Variants in SHISA6 observed in about 807,000 individuals in gnomAD.
SHISA6 encodes shisa family member 6.
In SHISA6, 22 loss-of-function variants were observed where a neutral mutation model predicts 47.9. That is an observed-to-expected ratio of 0.46 (90% CI 0.33 to 0.66). SHISA6 has a LOEUF of 0.66. SHISA6 is among the 30% of genes least tolerant of loss of function. The pLI is 0.02. For synonymous variants in SHISA6, 388 were observed against 337.8 expected, an observed-to-expected ratio of 1.15 and a Z score of -1.63; for missense variants, 680 against 764.6, an observed-to-expected ratio of 0.89 and a Z score of 1.30.
chr17:11,444,268 G>A (rs1915173324), intron 3 of SHISA6, among the ~76,000 whole-genome samples: 1 of 152,158 alleles, frequency 6.6e-6, no homozygotes, highest in Admixed American at 6.5e-5. Flanking sequence ...GCAATGAGCT[G>A]AGATCGTGTC....
chr17:11,255,020 C>G (rs1252527186), intron 1 of SHISA6, among the ~76,000 whole-genome samples: 1 of 152,226 alleles, frequency 6.6e-6, no homozygotes, highest in Non-Finnish European at 1.5e-5. Context: ...CTTTGGTCTG[C>G]AGCCCTACAC....
At chr17:11,481,247 C>G (rs1307544548) in intron 3 of SHISA6, among the ~76,000 whole-genome samples, 3 of 151,422 alleles carry the variant, frequency 2.0e-5, no homozygotes, top group African/African-American at 7.3e-5. Flanking sequence ...CCACTGCACC[C>G]CAGCCTGGAC....
At chr17:11,255,132 G>T (rs1036643276) in intron 1 of SHISA6, among the ~76,000 whole-genome samples, 1 of 152,208 alleles carries the variant, frequency 6.6e-6, no homozygotes, top group African/African-American at 2.4e-5. Context: ...AGTGCCCAGA[G>T]TAGTGCCTGG....
At chr17:11,336,095 G>C (rs11654231) in intron 2 of SHISA6, among the ~76,000 whole-genome samples, 16,389 of 151,854 alleles carry the variant, frequency 0.11, 1,037 homozygotes, top group Middle Eastern at 0.15. Context: ...TGTAGTCCCA[G>C]CTATTCGGGA....
chr17:11,377,621 G>A lies in SHISA6; in HGVS notation c.800-1793G>A, dbSNP rs371479404. 6.6e-5 allele frequency among the ~76,000 whole-genome samples: 10 copies of A among 152,320 alleles called. No individual in the cohort carries two copies. The East Asian group carries it at 1.4e-3, about 21-fold the overall frequency. ...CAGGTTTGAGATCTGGGGTAAGAGGGAGGGAATGGAGCTAGACTCCACTCT... is the reference window on the plus strand; with the variant it reads ...CAGGTTTGAGATCTGGGGTAAGAGGAAGGGAATGGAGCTAGACTCCACTCT... On this transcript the variant is annotated intron_variant, in intron 2 of 5. Coordinates refer to ENST00000441885, the MANE Select transcript of SHISA6 (RefSeq NM_207386.4).
At chr17:11,519,059 A>G (rs1176176998) in intron 3 of SHISA6, among the ~76,000 whole-genome samples, 3 of 152,282 alleles carry the variant, frequency 2.0e-5, no homozygotes, top group Admixed American at 1.3e-4. Context: ...GTTATTGGAA[A>G]GCTTGTCCTC....
At chr17:11,515,588 C>T (rs1001344889) in intron 3 of SHISA6, among the ~76,000 whole-genome samples, 6 of 152,104 alleles carry the variant, frequency 3.9e-5, no homozygotes, top group African/African-American at 1.4e-4. Flanking sequence ...TGACTGGCTC[C>T]TGCGTGATCC....
intron 3 of SHISA6, among the ~76,000 whole-genome samples, 184 bp from the exon 4 acceptor site, chr17:11,551,711 GA>G (rs1424836096): frequency 6.6e-6 from 1 of 152,170 alleles, no homozygotes; most frequent in East Asian, 1.9e-4. Flanking sequence ...CCCTGTTGCA[GA>G]AGGAGAGAGA....
chr17:11,256,967 G>A lies in SHISA6; in HGVS notation c.639-6399G>A, dbSNP rs184500187. The stretch of plus-strand genomic sequence containing the variant: ...GCCTGAAAAACAAAACAGGCAGGCC[G>A]TGCCTTCCCTCACTGAGTCCTGCGA... On this transcript the variant is annotated intron_variant, in intron 1 of 5. Coordinates refer to ENST00000441885, the MANE Select transcript of SHISA6 (RefSeq NM_207386.4). 1.5e-3 allele frequency among the ~76,000 whole-genome samples: 231 copies of A among 152,326 alleles called. 3 individuals carry two copies. Among genetic ancestry groups the A allele is most frequent in the Admixed American group, 0.013 (195 of 15,306 alleles).
At chr17:11,262,500 A>T (rs1293906980) in intron 1 of SHISA6, among the ~76,000 whole-genome samples, 1 of 152,222 alleles carries the variant, frequency 6.6e-6, no homozygotes, top group Non-Finnish European at 1.5e-5. Flanking sequence ...ATCCTGTTTG[A>T]AAGCAAATAG....
intron 3 of SHISA6, among the ~76,000 whole-genome samples, chr17:11,496,748 G>T (rs117818351): frequency 1.6e-5 from 2 of 127,828 alleles, no homozygotes; most frequent in African/African-American, 5.8e-5. Flanking sequence ...CAAAAAAAAA[G>T]AAAAAAAAAA....
chr17:11,322,577 G>A (rs1468083289), intron 2 of SHISA6, among the ~76,000 whole-genome samples: 2 of 152,146 alleles, frequency 1.3e-5, no homozygotes, highest in South Asian at 2.1e-4. Flanking sequence ...ACATGCTGAG[G>A]ACTTGAGATA....
chr17:11,360,463 G>A lies in SHISA6; in HGVS notation c.800-18951G>A, dbSNP rs1176487978. 3.9e-5 allele frequency among the ~76,000 whole-genome samples: 6 copies of A among 151,976 alleles called. No homozygotes were observed. The East Asian group carries it at 1.2e-3, about 29-fold the overall frequency. The stretch of plus-strand genomic sequence containing the variant: ...TAATCCCAGCTACTTGGTAGGCTGA[G>A]GCAGGAGAATTGCTTGAACCCGGGA... On this transcript the variant is annotated intron_variant, in intron 2 of 5. Transcript: ENST00000441885.
intron 4 of SHISA6, among the ~76,000 whole-genome samples, chr17:11,552,340 G>A (rs2071939138): frequency 6.6e-6 from 1 of 152,176 alleles, no homozygotes. Context: ...TAAACTTTAT[G>A]ATCCTCCCCA....
At chr17:11,418,200 A>AT (rs1322980676) in intron 3 of SHISA6, among the ~76,000 whole-genome samples, 1 of 152,134 alleles carries the variant, frequency 6.6e-6, no homozygotes, top group African/African-American at 2.4e-5. Context: ...ATGATGGAGA[A>AT]TTTTTTTTAA....
At chr17:11,387,836 C>T (rs1913245828) in intron 3 of SHISA6, among the ~76,000 whole-genome samples, 1 of 152,198 alleles carries the variant, frequency 6.6e-6, no homozygotes, top group South Asian at 2.1e-4. Context: ...TCCTACCCAG[C>T]ACTGCCTTCT....
intron 3 of SHISA6, among the ~76,000 whole-genome samples, chr17:11,383,706 A>T (rs1170448792): frequency 6.6e-6 from 1 of 151,944 alleles, no homozygotes; most frequent in Non-Finnish European, 1.5e-5. Flanking sequence ...TCCTCTTACT[A>T]TCTCCTTCTA....
At chr17:11,443,234 G>A (rs1465521465) in intron 3 of SHISA6, among the ~76,000 whole-genome samples, 1 of 152,154 alleles carries the variant, frequency 6.6e-6, no homozygotes, top group Non-Finnish European at 1.5e-5. Flanking sequence ...GTCAAAGGCT[G>A]CACATCTCAA....
At chr17:11,260,189 C>G (rs1033428858) in intron 1 of SHISA6, among the ~76,000 whole-genome samples, 1 of 152,154 alleles carries the variant, frequency 6.6e-6, no homozygotes, top group African/African-American at 2.4e-5. Flanking sequence ...GATTAATTTA[C>G]TCTCCCCTGC....
Sources: gnomAD v4.1 joint callset for allele counts (sites outside exome capture counted in the v4.1 genomes callset) on GRCh38, gnomAD v4.1.1 for gene constraint, MANE v1.5 for transcripts, NCBI Gene and HGNC (gene_info 2026-07-23, HGNC 2026-07-21) for gene names.